The following EPHA5 variants were observed in gnomAD, a reference collection of about 807,000 sequenced individuals.
EPHA5 encodes EPH receptor A5.
EPHA5 carries 60 observed loss-of-function variants against 105.0 expected under a neutral mutation model. That is an observed-to-expected ratio of 0.57 (90% CI 0.46 to 0.71). The LOEUF is 0.71. EPHA5 is among the 30% of genes least tolerant of loss of function. EPHA5 has a pLI of 0.00. For synonymous variants in EPHA5, 513 were observed against 449.1 expected, an observed-to-expected ratio of 1.14 and a Z score of -1.80; for missense variants, 1,218 against 1,274.7, an observed-to-expected ratio of 0.96 and a Z score of 0.68.
intron 8 of EPHA5, among the ~76,000 whole-genome samples, chr4:65,390,400 T>C (rs1391220661): frequency 1.3e-5 from 2 of 152,042 alleles, no homozygotes; most frequent in Admixed American, 1.3e-4. Context: ...ACTCCTAGAC[T>C]TTCCCCTCAC....
Position 65,495,560 on chromosome 4 carries a change from G to A in EPHA5, c.911-17C>T, listed in dbSNP as rs1489299914. ...GTCTGCACACTGTCAAAAGAAATAA[G>A]AGACTAAGCTTTTCCCTGGAACAGA... On this transcript the variant is annotated splice_polypyrimidine_tract_variant and intron_variant, in intron 3 of 16. Transcript: ENST00000613740. 1.9e-6 allele frequency: 3 copies of A among 1,599,314 alleles called. No individual in the cohort carries two copies. The highest frequency in any genetic ancestry group is 1.1e-5 in the South Asian group (1 of 88,598).
chr4:65,447,749 T>C (rs1434773410), intron 5 of EPHA5, among the ~76,000 whole-genome samples: 2 of 151,866 alleles, frequency 1.3e-5, no homozygotes, highest in East Asian at 1.9e-4. Flanking sequence ...CTAAAAACAA[T>C]TGGGAATTTC....
intron 1 of EPHA5, among the ~76,000 whole-genome samples, chr4:65,662,173 T>TA (rs1207233654): frequency 6.6e-6 from 1 of 151,916 alleles, no homozygotes; most frequent in African/African-American, 2.4e-5. Context: ...AATAAGAGTG[T>TA]AAAATTAATA....
chr4:65,334,948 C>T (rs986665748), intron 15 of EPHA5, among the ~76,000 whole-genome samples: 16 of 151,946 alleles, frequency 1.1e-4, no homozygotes, highest in African/African-American at 3.9e-4. Context: ...GGAATAATTG[C>T]TAAGAAGATA....
chr4:65,394,194 C>A (rs976301229), intron 8 of EPHA5, among the ~76,000 whole-genome samples: 1 of 152,072 alleles, frequency 6.6e-6, no homozygotes, highest in African/African-American at 2.4e-5. Flanking sequence ...GTCAAGTTAC[C>A]ATTAATATTA....
chr4:65,495,937 G>A (rs897840533), intron 3 of EPHA5, among the ~76,000 whole-genome samples: 3 of 152,026 alleles, frequency 2.0e-5, no homozygotes, highest in Non-Finnish European at 2.9e-5. Context: ...TGCTAAAATG[G>A]TATGATACAA....
In EPHA5 at chr4:65,669,927, T is replaced by G. The variant is rs1382894782; in HGVS notation, c.-185A>C. 1.1e-6 allele frequency: 1 copy of G among 923,376 alleles called. No individual in the cohort carries two copies. Among genetic ancestry groups the G allele is most frequent in the Admixed American group, 4.3e-5 (1 of 23,340 alleles). The allele number at this position is 923,376 out of a possible 1,614,324, so 57.2% of individuals were successfully genotyped here. A position where few individuals can be genotyped will look rare whatever the true frequency, so the allele number is the denominator to read the frequency against. On this transcript the variant is annotated 5_prime_UTR_variant, in exon 1 of 17. Coordinates refer to ENST00000613740, the MANE Select transcript of EPHA5 (RefSeq NM_001281766.3). Reference sequence around the variant, plus strand: ...GGCTGAGACAGCTGAAGTTTGCTTCTGGCTCCTCTCGCCTCCCCCTTTGGT... The same window carrying G: ...GGCTGAGACAGCTGAAGTTTGCTTCGGGCTCCTCTCGCCTCCCCCTTTGGT...
intron 5 of EPHA5, among the ~76,000 whole-genome samples, chr4:65,429,104 T>G (rs1219337421): frequency 2.0e-5 from 3 of 152,062 alleles, no homozygotes; most frequent in Non-Finnish European, 4.4e-5. Flanking sequence ...AATGATTATT[T>G]GATCTTAATA....
intron 5 of EPHA5, among the ~76,000 whole-genome samples, chr4:65,448,402 C>A (rs552329254): frequency 3.5e-4 from 53 of 152,232 alleles, no homozygotes; most frequent in Non-Finnish European, 7.2e-4. Flanking sequence ...AATCCCAGCA[C>A]TTTGTGAGGC....
intron 8 of EPHA5, among the ~76,000 whole-genome samples, chr4:65,381,246 AT>A (rs1327441724): frequency 2.6e-5 from 4 of 151,782 alleles, no homozygotes; most frequent in African/African-American, 9.7e-5. Context: ...AAACCAAAGT[AT>A]ATATGTGGAG....
At chr4:65,571,354 C>A (rs897921099) in intron 3 of EPHA5, among the ~76,000 whole-genome samples, 6 of 150,816 alleles carry the variant, frequency 4.0e-5, no homozygotes, top group Non-Finnish European at 8.9e-5. Context: ...AATTTACATT[C>A]CCTAAATGTC....
chr4:65,636,865 G>A lies in EPHA5; in HGVS notation c.246+6498C>T, dbSNP rs1256852825. Reference sequence around the variant, plus strand: ...TGCTCCCTTAAGTTCTAGGATGTGAGGAATTTGGGGTGTTTTACTTCACTG... The same window carrying A: ...TGCTCCCTTAAGTTCTAGGATGTGAAGAATTTGGGGTGTTTTACTTCACTG... On this transcript the variant is annotated intron_variant, in intron 2 of 16. Coordinates refer to ENST00000613740, the MANE Select transcript of EPHA5 (RefSeq NM_001281766.3). 2.6e-5 allele frequency among the ~76,000 whole-genome samples: 4 copies of A among 152,120 alleles called. No individual in the cohort carries two copies. The East Asian group carries it at 7.8e-4, about 30-fold the overall frequency.
chr4:65,615,048 AATGCAATT>A (rs1170937435), intron 2 of EPHA5, among the ~76,000 whole-genome samples: 2 of 151,888 alleles, frequency 1.3e-5, no homozygotes, highest in Non-Finnish European at 3.0e-5. Flanking sequence ...CTTTACAAAG[AATGCAATT>A]ATGCTAAATT....
intron 3 of EPHA5, among the ~76,000 whole-genome samples, chr4:65,574,924 T>C (rs576269796): frequency 5.3e-4 from 80 of 151,678 alleles, no homozygotes; most frequent in African/African-American, 1.9e-3. Context: ...AGAGAACCTA[T>C]GATACATGAA....
intron 3 of EPHA5, chr4:65,573,966 G>A (rs1740518764): frequency 6.3e-7 from 1 of 1,582,294 alleles, no homozygotes; most frequent in Admixed American, 1.7e-5. Flanking sequence ...GAAGCAGCTG[G>A]CTAGTGGCTT....
At chr4:65,347,935 A>G in intron 14 of EPHA5, 119 bp downstream of exon 14, 1 of 1,065,608 alleles carries the variant, frequency 9.4e-7, no homozygotes, top group South Asian at 1.7e-5. Context: ...ATCAGAGGGT[A>G]AGCAAAGTAT....
intron 5 of EPHA5, among the ~76,000 whole-genome samples, chr4:65,448,717 G>C (rs561934062): frequency 2.4e-4 from 36 of 152,158 alleles, no homozygotes; most frequent in Non-Finnish European, 4.4e-4. Flanking sequence ...AATAAACAAA[G>C]CACACAATGG....
chr4:65,601,600 T>A lies in EPHA5; in HGVS notation c.910+41A>T, dbSNP rs1227766195. 1.9e-6 allele frequency: 3 copies of A among 1,579,194 alleles called. No individual in the cohort carries two copies. The Admixed American group carries it at 5.2e-5, about 27-fold the overall frequency. The stretch of plus-strand genomic sequence containing the variant: ...AGGAAATACATATACATGATCCAAC[T>A]GAAGCAGACAGCCCCTGCAGATCTG... On this transcript the variant is annotated intron_variant, in intron 3 of 16. Transcript: ENST00000613740.
chr4:65,636,969 A>G (rs1747178977), intron 2 of EPHA5, among the ~76,000 whole-genome samples: 1 of 152,098 alleles, frequency 6.6e-6, no homozygotes, highest in African/African-American at 2.4e-5. Context: ...TAAATGCAGC[A>G]AATTTGCATA....
Sources: gnomAD v4.1 joint callset for allele counts (sites outside exome capture counted in the v4.1 genomes callset) on GRCh38, gnomAD v4.1.1 for gene constraint, MANE v1.5 for transcripts, NCBI Gene and HGNC (gene_info 2026-07-23, HGNC 2026-07-21) for gene names.